CFAP54: variants seen among roughly 807,000 people sequenced by gnomAD.
CFAP54 encodes cilia- and flagella-associated protein 54.
CFAP54 carries 290 observed loss-of-function variants against 370.4 expected under a neutral mutation model. That is an observed-to-expected ratio of 0.78 (90% CI 0.71 to 0.86). The LOEUF (loss-of-function observed/expected upper bound fraction) is 0.86, where lower values mean the gene tolerates loss of function less well. CFAP54 is among the 40% of genes least tolerant of loss of function. The pLI, the probability that CFAP54 is intolerant of heterozygous loss-of-function variation, is 0.00. For synonymous variants in CFAP54, 1,206 were observed against 1,236.5 expected (o/e 0.98, Z 0.52); for missense variants, 3,399 against 3,528.7 (o/e 0.96, Z 0.93).
At chr12:96,826,842 A>ATAATT (rs1959117715) in intron 65 of CFAP54, among the ~76,000 whole-genome samples, 1 of 116,448 alleles carries the variant, frequency 8.6e-6, no homozygotes, top group African/African-American at 3.4e-5. Context: ...TATATCATAT[A>ATAATT]ATATTATATA....
intron 63 of CFAP54, among the ~76,000 whole-genome samples, chr12:96,792,934 A>C (rs989887968): frequency 6.6e-6 from 1 of 152,000 alleles, no homozygotes; most frequent in African/African-American, 2.4e-5. Flanking sequence ...GATAAACTCA[A>C]ATTGGTCATG....
intron 9 of CFAP54, among the ~76,000 whole-genome samples, chr12:96,530,301 C>G (rs995930962): frequency 2.0e-5 from 3 of 152,186 alleles, no homozygotes; most frequent in East Asian, 3.8e-4. Flanking sequence ...ACCAGCCTGG[C>G]TAACATGGCG....
At position 96,577,377 on chromosome 12, in the gene CFAP54, A is replaced by G. The variant is rs372515370; in HGVS notation, c.2796+616A>G. On this transcript the variant is annotated intron_variant, in intron 20 of 67. Coordinates refer to ENST00000524981, the MANE Select transcript of CFAP54 (RefSeq NM_001306084.2). Reference sequence around the variant, plus strand: ...AAAACTTGAGATTCAGTTTCTTCACAAGAATTTGGTTCTACCTAATTTATA... The same window carrying G: ...AAAACTTGAGATTCAGTTTCTTCACGAGAATTTGGTTCTACCTAATTTATA... 3.3e-5 allele frequency among the ~76,000 whole-genome samples: 5 copies of G among 152,238 alleles called. No homozygotes were observed. The South Asian group carries it at 1.0e-3, about 31-fold the overall frequency.
chr12:96,522,453 A>G (rs941705920), intron 8 of CFAP54, among the ~76,000 whole-genome samples: 9 of 152,222 alleles, frequency 5.9e-5, no homozygotes, highest in South Asian at 2.1e-4. Context: ...AAAGATTTCA[A>G]TGAACTGGCT....
At chr12:96,523,189 G>A (rs1046107609) in intron 8 of CFAP54, among the ~76,000 whole-genome samples, 2 of 152,104 alleles carry the variant, frequency 1.3e-5, no homozygotes, top group African/African-American at 4.8e-5. Flanking sequence ...TTACAGAAGA[G>A]GTGTATCAAA....
intron 19 of CFAP54, among the ~76,000 whole-genome samples, chr12:96,575,637 T>A (rs1955967026): frequency 6.6e-6 from 1 of 152,106 alleles, no homozygotes; most frequent in African/African-American, 2.4e-5. Flanking sequence ...CATTGAATCT[T>A]CCAAACACCA....
At chr12:96,861,808 T>A (rs1959885688) in intron 67 of CFAP54, among the ~76,000 whole-genome samples, 1 of 152,178 alleles carries the variant, frequency 6.6e-6, no homozygotes, top group Non-Finnish European at 1.5e-5. Context: ...GCTGGGAGCA[T>A]TGTTTCCCTG....
Position 96,742,151 on chromosome 12 carries a change from A to G in CFAP54, c.7072-288A>G, listed in dbSNP as rs1342241942. Among the ~76,000 whole-genome samples, 3 of 152,256 alleles carry G rather than the reference A, an allele frequency of 2.0e-5. No individual in the cohort carries two copies. In the East Asian group the frequency reaches 5.8e-4, roughly 29 times the overall value. The stretch of plus-strand genomic sequence containing the variant: ...AGAAACTGCTGATAATATAATTTGC[A>G]GTGAGAAATTCACACTGCAAAACTA... On this transcript the variant is annotated intron_variant, in intron 51 of 67. Coordinates refer to ENST00000524981, the MANE Select transcript of CFAP54 (RefSeq NM_001306084.2).
chr12:96,866,248 T>A (rs975501008), intron 67 of CFAP54, among the ~76,000 whole-genome samples: 1 of 152,108 alleles, frequency 6.6e-6, no homozygotes, highest in Non-Finnish European at 1.5e-5. Context: ...GCAACAGATA[T>A]TTTTTGTCAT....
chr12:96,848,141 A>G (rs1287993125), intron 66 of CFAP54, among the ~76,000 whole-genome samples: 2 of 152,096 alleles, frequency 1.3e-5, no homozygotes, highest in Non-Finnish European at 2.9e-5. Context: ...CAATGGCACA[A>G]TCTTGGCTCA....
At chr12:96,617,207 T>C (rs1430522964) in intron 26 of CFAP54, among the ~76,000 whole-genome samples, 1 of 152,178 alleles carries the variant, frequency 6.6e-6, no homozygotes, top group Non-Finnish European at 1.5e-5. Context: ...ACAGATTGAA[T>C]TTTGGAGTCG....
At chr12:96,495,705 A>G (rs999371512) in intron 1 of CFAP54, among the ~76,000 whole-genome samples, 10 of 152,088 alleles carry the variant, frequency 6.6e-5, no homozygotes, top group Non-Finnish European at 4.4e-5. Context: ...AATGATGTAC[A>G]TTCTATAGTA....
intron 60 of CFAP54, among the ~76,000 whole-genome samples, chr12:96,783,186 A>G (rs762436610): frequency 2.0e-5 from 3 of 152,230 alleles, no homozygotes; most frequent in Non-Finnish European, 1.5e-5. Flanking sequence ...AAGGACAGAT[A>G]TGGGATTAGT....
chr12:96,840,275 T>C (rs978981254), intron 66 of CFAP54, among the ~76,000 whole-genome samples: 1 of 152,264 alleles, frequency 6.6e-6, no homozygotes, highest in African/African-American at 2.4e-5. Flanking sequence ...AAGCAACCTT[T>C]GAAATAATCT....
chr12:96,490,475 C>A (rs1954868945), intron 1 of CFAP54, among the ~76,000 whole-genome samples: 1 of 152,176 alleles, frequency 6.6e-6, no homozygotes, highest in East Asian at 1.9e-4. Flanking sequence ...TTTATATACT[C>A]ATAACATGGA....
At chr12:96,856,108 C>T (rs903300364) in intron 66 of CFAP54, among the ~76,000 whole-genome samples, 2 of 152,148 alleles carry the variant, frequency 1.3e-5, no homozygotes, top group African/African-American at 4.8e-5. Flanking sequence ...TGTACCGTGG[C>T]CCCTTTTAGC....
At chr12:96,612,006 AAGGC>A (rs1956363844) in intron 26 of CFAP54, among the ~76,000 whole-genome samples, 2 of 152,232 alleles carry the variant, frequency 1.3e-5, no homozygotes, top group South Asian at 4.1e-4. Context: ...CCAACCTAGC[AAGGC>A]AGGCCAGCAT....
At chr12:96,547,863 T>C in intron 14 of CFAP54, 39 bp from the exon 15 acceptor site, 2 of 1,078,590 alleles carry the variant, frequency 1.9e-6, no homozygotes, top group Non-Finnish European at 1.3e-6. Flanking sequence ...TCCCTTCCCC[T>C]CCATCCTTCA....
intron 62 of CFAP54, among the ~76,000 whole-genome samples, chr12:96,791,351 G>A (rs1193376103): frequency 1.3e-5 from 2 of 151,948 alleles, no homozygotes; most frequent in East Asian, 3.9e-4. Context: ...TTGATCATTA[G>A]CAACCATGCT....
Sources: allele counts gnomAD v4.1 joint callset (sites outside exome capture counted in the v4.1 genomes callset), GRCh38; gene constraint gnomAD v4.1.1; transcripts MANE v1.5; gene names NCBI Gene and HGNC (gene_info 2026-07-23, HGNC 2026-07-21).